VPS13C: variants seen among roughly 807,000 people sequenced by gnomAD.
VPS13C encodes the protein intermembrane lipid transfer protein VPS13C.
In VPS13C, 358 loss-of-function variants were observed where a neutral mutation model predicts 456.8. The observed-to-expected ratio is 0.78, with a 90% CI of 0.72 to 0.86. The LOEUF (loss-of-function observed/expected upper bound fraction) is 0.86. Ranked by LOEUF, VPS13C falls within the 40% of genes least tolerant of loss-of-function variation. The pLI, the probability that VPS13C is intolerant of heterozygous loss-of-function variation, is 0.00. For synonymous variants in VPS13C, 1,578 were observed against 1,486.7 expected, an observed-to-expected ratio of 1.06 and a Z score of -1.41; for missense variants, 4,818 against 4,385.4, an observed-to-expected ratio of 1.10 and a Z score of -2.79.
intron 18 of VPS13C, among the ~76,000 whole-genome samples, chr15:61,986,071 GCACATATACACATACACACACACTCT>G: frequency 6.6e-6 from 1 of 151,164 alleles, no homozygotes; most frequent in Non-Finnish European, 1.5e-5. Context: ...ACTGATTGGT[GCACATATACACATACACACACACTCT>G]CACACATACA....
chr15:61,949,087 A>C (rs1378973619), intron 42 of VPS13C, among the ~76,000 whole-genome samples: 1 of 152,226 alleles, frequency 6.6e-6, no homozygotes, highest in East Asian at 1.9e-4. Context: ...TGACTAACTG[A>C]AACGGGCCTT....
chr15:62,017,215 T>C (rs1446054640), intron 9 of VPS13C, among the ~76,000 whole-genome samples: 1 of 152,156 alleles, frequency 6.6e-6, no homozygotes, highest in African/African-American at 2.4e-5. Flanking sequence ...GTTGCAAAAA[T>C]TTTCTCCCAT....
chr15:61,949,125 T>C (rs756087642), intron 42 of VPS13C, among the ~76,000 whole-genome samples: 3 of 152,218 alleles, frequency 2.0e-5, no homozygotes, highest in Non-Finnish European at 4.4e-5. Context: ...GAATCATAAC[T>C]GAACTTTTTC....
chr15:62,023,952 A>C, intron 6 of VPS13C, 107 bp from the exon 7 acceptor site: 2 of 861,610 alleles, frequency 2.3e-6, no homozygotes, highest in Non-Finnish European at 3.6e-6. Context: ...ATTTTGGCAC[A>C]ACTCACCTTA....
intron 18 of VPS13C, among the ~76,000 whole-genome samples, chr15:61,990,729 T>G (rs1457980943): frequency 1.3e-5 from 2 of 152,112 alleles, no homozygotes; most frequent in Non-Finnish European, 2.9e-5. Flanking sequence ...GAGAATCACT[T>G]GAACCCAGGA....
chr15:61,981,317 G>C, intron 22 of VPS13C, 25 bp downstream of exon 22: 1 of 1,570,882 alleles, frequency 6.4e-7, no homozygotes, highest in Non-Finnish European at 8.6e-7. Context: ...AAGATGGGCA[G>C]ACAAAAAAAC....
chr15:61,984,087 C>T, intron 19 of VPS13C, 75 bp from the exon 20 acceptor site: 1 of 1,401,246 alleles, frequency 7.1e-7, no homozygotes, highest in Non-Finnish European at 9.7e-7. Context: ...TACAAATTTC[C>T]TTTTAAAAAC....
At chr15:61,952,034 G>T (rs193281537) in intron 38 of VPS13C, 54 bp from the exon 39 acceptor site, 3 of 1,568,888 alleles carry the variant, frequency 1.9e-6, no homozygotes, top group African/African-American at 2.7e-5. Context: ...TGCAATGAAG[G>T]TAAGTCAAGA....
chr15:61,903,856 A>G (rs974356331), intron 66 of VPS13C, among the ~76,000 whole-genome samples: 4 of 152,178 alleles, frequency 2.6e-5, no homozygotes, highest in Admixed American at 2.0e-4. Context: ...TCTTCAACAA[A>G]GGCGGCAAGA....
chr15:62,053,845 G>A (rs967710868), intron 1 of VPS13C, among the ~76,000 whole-genome samples: 4 of 152,186 alleles, frequency 2.6e-5, no homozygotes, highest in African/African-American at 9.7e-5. Flanking sequence ...TCAGGAGTGG[G>A]ATAAACAGCA....
At chr15:62,050,481 T>C (rs1202789592) in intron 1 of VPS13C, among the ~76,000 whole-genome samples, 2 of 152,196 alleles carry the variant, frequency 1.3e-5, no homozygotes, top group East Asian at 1.9e-4. Context: ...AAAGCCAATC[T>C]TGAAAGATAT....
chr15:62,033,484 C>T lies in VPS13C; in HGVS notation c.342G>A (p.Glu114=), dbSNP rs757250565. 1.9e-6 allele frequency: 3 copies of T among 1,607,698 alleles called. No homozygotes were observed. The highest frequency in any genetic ancestry group is 2.5e-6 in the Non-Finnish European group (3 of 1,176,692). Residue 114 remains glutamate (E), a synonymous_variant, in exon 5 of 85, where the codon GAG becomes GAA. Coordinates refer to ENST00000644861, the MANE Select transcript of VPS13C (RefSeq NM_020821.3). ...EKSLQDVKQK[E]LSRIEEALQK... is the part of the protein sequence containing the mutation. Reference sequence around the variant, plus strand: ...GAAGGGCTTCTTCAATTCGGGATAGCTCTTTCTGTTTAACATCCTGCAAGG... The same window carrying T: ...GAAGGGCTTCTTCAATTCGGGATAGTTCTTTCTGTTTAACATCCTGCAAGG...
chr15:61,910,273 G>C lies in VPS13C; in HGVS notation c.8748C>G (p.Gly2916=). ...AGCCCACCACTCTCACACAAAGTTT[G>C]CCTGACAAACTTTCTGGCCAAAATG... ...CLPFWPESLS[G]KLCVRVVGCE... The change falls in exon 64 of 85, where the codon GGC becomes GGG. Residue 2916 remains glycine, a synonymous_variant. Transcript: ENST00000644861. The C allele has an allele frequency of 6.5e-7, 1 of 1,526,910 alleles. No individual in the cohort carries two copies. Among genetic ancestry groups the C allele is most frequent in the Non-Finnish European group, 8.8e-7 (1 of 1,131,476 alleles). The allele number at this position is 1,526,910 out of a possible 1,614,324, so 94.6% of individuals were successfully genotyped here. A position where few individuals can be genotyped will look rare whatever the true frequency, so the allele number is the denominator to read the frequency against.
chr15:62,003,309 G>C (rs1449454762), intron 15 of VPS13C, among the ~76,000 whole-genome samples: 1 of 150,840 alleles, frequency 6.6e-6, no homozygotes, highest in African/African-American at 2.5e-5. Flanking sequence ...CTCATGATTT[G>C]GCTCTCCGTT....
At chr15:61,889,070 A>C (rs1896481693) in intron 67 of VPS13C, among the ~76,000 whole-genome samples, 1 of 152,148 alleles carries the variant, frequency 6.6e-6, no homozygotes, top group African/African-American at 2.4e-5. Flanking sequence ...TTGAAAATCT[A>C]GATTTCACTG....
chr15:61,861,868 G>A (rs1320964231), intron 82 of VPS13C, among the ~76,000 whole-genome samples: 1 of 152,206 alleles, frequency 6.6e-6, no homozygotes, highest in East Asian at 1.9e-4. Flanking sequence ...GGGAGGCCAA[G>A]GTGGACGGAT....
At chr15:62,033,587 A>G in intron 4 of VPS13C, 45 bp from the exon 5 acceptor site, 1 of 1,379,916 alleles carries the variant, frequency 7.2e-7, no homozygotes, top group Non-Finnish European at 9.9e-7. Flanking sequence ...TGGAATTAAT[A>G]AATAAACAAA....
chr15:62,042,848 T>A (rs1420466429), intron 2 of VPS13C, among the ~76,000 whole-genome samples: 2 of 151,782 alleles, frequency 1.3e-5, no homozygotes, highest in Non-Finnish European at 2.9e-5. Context: ...CACACCAACA[T>A]GGCACATGTA....
chr15:61,986,775 C>T (rs1224573106), intron 18 of VPS13C, among the ~76,000 whole-genome samples: 3 of 151,702 alleles, frequency 2.0e-5, no homozygotes, highest in East Asian at 1.9e-4. Context: ...AAAGTGATAC[C>T]GTAAGACTAA....
Sources: allele counts gnomAD v4.1 joint callset (sites outside exome capture counted in the v4.1 genomes callset), GRCh38; gene constraint gnomAD v4.1.1; transcripts MANE v1.5; gene names NCBI Gene and HGNC (gene_info 2026-07-23, HGNC 2026-07-21).